ATP2C1: variants seen among roughly 807,000 people sequenced by gnomAD.
ATP2C1 encodes ATPase secretory pathway Ca2+ transporting 1, also known as calcium-transporting ATPase type 2C member 1.
ATP2C1 carries 31 observed loss-of-function variants against 120.5 expected under a neutral mutation model. That is an observed-to-expected ratio of 0.26 (90% CI 0.19 to 0.35). The LOEUF is 0.35. Ranked by LOEUF, ATP2C1 falls within the 10% of genes least tolerant of loss-of-function variation. The probability of loss-of-function intolerance (pLI) is 1.00; values close to 1 mark genes in which losing one functional copy is unlikely to be tolerated. For missense variants in ATP2C1, 731 were observed against 1,107.5 expected (o/e 0.66, Z 4.83); for synonymous variants, 351 against 358.7 (o/e 0.98, Z 0.24).
chr3:130,930,246 T>G, intron 2 of ATP2C1, 170 bp from the exon 3 acceptor site: 1 of 654,748 alleles, frequency 1.5e-6, no homozygotes, highest in South Asian at 1.6e-5. Context: ...AGAAGTAGCA[T>G]GTGGTTAGTA....
chr3:130,943,659 G>A (rs2060017278), intron 8 of ATP2C1, among the ~76,000 whole-genome samples: 1 of 152,096 alleles, frequency 6.6e-6, no homozygotes, highest in Non-Finnish European at 1.5e-5. Context: ...GGTTGATTTT[G>A]TTCTAGTTAA....
chr3:130,973,297 G>C (rs1201782142), intron 17 of ATP2C1, among the ~76,000 whole-genome samples: 1 of 152,084 alleles, frequency 6.6e-6, no homozygotes, highest in Non-Finnish European at 1.5e-5. Flanking sequence ...ATAAACACAA[G>C]ACCCATAATT....
chr3:130,861,866 A>G (rs2107722214), intron 1 of ATP2C1, among the ~76,000 whole-genome samples: 1 of 152,342 alleles, frequency 6.6e-6, no homozygotes, highest in East Asian at 1.9e-4. Flanking sequence ...TTTACCAATT[A>G]AAAATTAATG....
intron 1 of ATP2C1, among the ~76,000 whole-genome samples, chr3:130,884,384 C>T (rs979863584): frequency 3.3e-5 from 5 of 152,190 alleles, no homozygotes; most frequent in Non-Finnish European, 1.5e-5. Flanking sequence ...GATATTATTT[C>T]ATTTTTGGGG....
intron 1 of ATP2C1, among the ~76,000 whole-genome samples, chr3:130,870,724 G>A (rs2068402239): frequency 6.6e-6 from 1 of 152,212 alleles, no homozygotes; most frequent in Non-Finnish European, 1.5e-5. Context: ...CTATTGCTGG[G>A]TAGATATGCT....
intron 8 of ATP2C1, among the ~76,000 whole-genome samples, 190 bp downstream of exon 8, chr3:130,941,889 G>A (rs2059937038): frequency 6.6e-6 from 1 of 151,878 alleles, no homozygotes; most frequent in Admixed American, 6.6e-5. Flanking sequence ...CTTTTGAGGT[G>A]TTTGTTTAGT....
intron 2 of ATP2C1, among the ~76,000 whole-genome samples, chr3:130,897,727 G>C (rs2069757947): frequency 1.3e-5 from 2 of 151,982 alleles, no homozygotes; most frequent in African/African-American, 4.8e-5. Flanking sequence ...TTTTTCCTAG[G>C]GCCCATTTAA....
chr3:130,977,966 T>C (rs1046450973), intron 18 of ATP2C1, among the ~76,000 whole-genome samples: 3 of 152,216 alleles, frequency 2.0e-5, no homozygotes, highest in African/African-American at 7.2e-5. Flanking sequence ...AAAGTTTACC[T>C]ATCCTTGACT....
At position 130,919,111 on chromosome 3, in the gene ATP2C1, G is replaced by A. The variant is rs1187252539; in HGVS notation, c.7-11305G>A. The A allele has an allele frequency of 1.5e-5, 6 of 388,740 alleles. No homozygotes were observed. The East Asian group carries it at 2.4e-4, about 15-fold the overall frequency. 24.1% of individuals were successfully genotyped at this position (388,740 alleles called of 1,614,324 possible). A position where few individuals can be genotyped will look rare whatever the true frequency, so the allele number is the denominator to read the frequency against. ...CCCACACTTGTTTCCACCTCTCCAC[G>A]CAGGCATTTTGAGTTGGAGGCAGGA... On this transcript the variant is annotated intron_variant, in intron 2 of 27. Coordinates refer to ENST00000510168, the MANE Select transcript of ATP2C1 (RefSeq NM_001378687.1).
In ATP2C1 at chr3:131,001,503, G is replaced by C; in HGVS notation, c.*153G>C. 2 of 1,322,136 alleles carry C rather than the reference G, an allele frequency of 1.5e-6. No individual in the cohort carries two copies. The highest frequency in any genetic ancestry group is 1.9e-6 in the Non-Finnish European group (2 of 1,034,474). The allele number at this position is 1,322,136 out of a possible 1,614,324, so 81.9% of individuals were successfully genotyped here. On this transcript the variant is annotated 3_prime_UTR_variant, in exon 28 of 28. Transcript: ENST00000510168. ...TGTTAAAGACTTAAGACTTTAACCTGCTGGCAGTCCCAAATGAAATTATGC... is the reference window on the plus strand; with the variant it reads ...TGTTAAAGACTTAAGACTTTAACCTCCTGGCAGTCCCAAATGAAATTATGC...
intron 8 of ATP2C1, among the ~76,000 whole-genome samples, chr3:130,943,516 C>T (rs376514013): frequency 6.6e-6 from 1 of 152,026 alleles, no homozygotes; most frequent in African/African-American, 2.4e-5. Flanking sequence ...CGCTCCTGGC[C>T]GACATTGTGA....
chr3:130,958,648 CT>C lies in ATP2C1; in HGVS notation c.833-626del, dbSNP rs553777509. On this transcript the variant is annotated intron_variant, in intron 11 of 27. Transcript: ENST00000510168. ...AACCTGCTTGTGCGCCCCTTTCCCC[CT>C]ATTCTTTTCAAAGATAAAAGGTTAA... is the stretch of plus-strand genomic sequence containing the variant. Among the ~76,000 whole-genome samples, 14 of 152,186 alleles carry C rather than the reference CT, an allele frequency of 9.2e-5. No individual in the cohort carries two copies. In the South Asian group the frequency reaches 2.5e-3, roughly 27 times the overall value.
At chr3:130,898,437 A>T (rs372750788) in intron 2 of ATP2C1, among the ~76,000 whole-genome samples, 2 of 152,190 alleles carry the variant, frequency 1.3e-5, no homozygotes, top group African/African-American at 4.8e-5. Context: ...TATTCCTTTA[A>T]CTGAAAATAG....
intron 5 of ATP2C1, 38 bp from the exon 6 acceptor site, chr3:130,937,390 G>A (rs2059718131): frequency 1.3e-6 from 2 of 1,584,614 alleles, no homozygotes; most frequent in Non-Finnish European, 8.7e-7. Context: ...TACTTCTCAA[G>A]TTAATGTCTG....
chr3:130,955,988 A>T lies in ATP2C1; in HGVS notation c.757-116A>T. ...TGAAGGTGATTATTTACCTTATGGGAGAGTTGTATGGTTAACTTAGGAATT... is the reference window on the plus strand; with the variant it reads ...TGAAGGTGATTATTTACCTTATGGGTGAGTTGTATGGTTAACTTAGGAATT... On this transcript the variant is annotated intron_variant, in intron 10 of 27. Transcript: ENST00000510168. 4.1e-6 allele frequency: 3 copies of T among 736,758 alleles called. No individual in the cohort carries two copies. In the South Asian group the frequency reaches 4.2e-5, roughly 10 times the overall value. The allele number at this position is 736,758 out of a possible 1,614,324, so 45.6% of individuals were successfully genotyped here. A position where few individuals can be genotyped will look rare whatever the true frequency, so the allele number is the denominator to read the frequency against.
chr3:130,994,434 T>G (rs2062504627), intron 22 of ATP2C1, among the ~76,000 whole-genome samples: 1 of 152,210 alleles, frequency 6.6e-6, no homozygotes, highest in African/African-American at 2.4e-5. Context: ...GCTCTTTTTT[T>G]GGCTTTATAA....
At chr3:130,968,474 G>T (rs976471525) in intron 16 of ATP2C1, among the ~76,000 whole-genome samples, 2 of 152,132 alleles carry the variant, frequency 1.3e-5, no homozygotes, top group Non-Finnish European at 2.9e-5. Context: ...GGATATGAGG[G>T]CTTTGAAGGA....
At chr3:130,920,976 G>A (rs1341141833) in intron 2 of ATP2C1, among the ~76,000 whole-genome samples, 1 of 151,734 alleles carries the variant, frequency 6.6e-6, no homozygotes, top group Non-Finnish European at 1.5e-5. Flanking sequence ...GTTAGTGTAT[G>A]GAAACATTAC....
At chr3:130,873,739 A>G (rs2068508480) in intron 1 of ATP2C1, among the ~76,000 whole-genome samples, 1 of 152,250 alleles carries the variant, frequency 6.6e-6, no homozygotes, top group Admixed American at 6.5e-5. Context: ...AGACTATAGT[A>G]TACTTTAAGT....
Sources: allele counts gnomAD v4.1 joint callset (sites outside exome capture counted in the v4.1 genomes callset), GRCh38; gene constraint gnomAD v4.1.1; transcripts MANE v1.5; gene names NCBI Gene and HGNC (gene_info 2026-07-23, HGNC 2026-07-21).